The following CADM2 variants were observed in gnomAD, a reference collection of about 807,000 sequenced individuals.
CADM2 encodes the protein cell adhesion molecule 2, also known as immunoglobulin superfamily member 4D.
In CADM2, 12 loss-of-function variants were observed where a neutral mutation model predicts 49.8. The ratio of observed to expected loss-of-function variants is 0.24; its 90% CI spans 0.15 to 0.39. The LOEUF is 0.39. Ranked by LOEUF, CADM2 falls within the 10% of genes least tolerant of loss-of-function variation. The probability of loss-of-function intolerance (pLI) is 1.00; values close to 1 mark genes in which losing one functional copy is unlikely to be tolerated. For missense variants in CADM2, 378 were observed against 492.3 expected (o/e 0.77, Z 2.20); for synonymous variants, 214 against 175.4 (o/e 1.22, Z -1.74).
chr3:85,929,414 C>CT (rs1010609821), intron 6 of CADM2, among the ~76,000 whole-genome samples: 1 of 151,668 alleles, frequency 6.6e-6, no homozygotes, highest in African/African-American at 2.4e-5. Context: ...AAAATACAAA[C>CT]TTTTTTTTCT....
intron 5 of CADM2, among the ~76,000 whole-genome samples, chr3:85,898,374 TCAC>T (rs1157157440): frequency 1.3e-5 from 2 of 152,072 alleles, no homozygotes; most frequent in African/African-American, 4.8e-5. Flanking sequence ...AGTGAAACCA[TCAC>T]CACAAGCAAG....
chr3:86,013,864 T>C (rs1731859505), intron 8 of CADM2: 1 of 1,594,054 alleles, frequency 6.3e-7, no homozygotes, highest in Admixed American at 1.7e-5. Flanking sequence ...AAAATGAAAG[T>C]TGTTGCTTCT....
chr3:84,994,066 A>G (rs1462711774), intron 1 of CADM2, among the ~76,000 whole-genome samples: 3 of 152,146 alleles, frequency 2.0e-5, no homozygotes, highest in Non-Finnish European at 2.9e-5. Flanking sequence ...TTCAGTTGTT[A>G]GGTAATTTCC....
chr3:85,348,564 A>G (rs1408719646), intron 1 of CADM2, among the ~76,000 whole-genome samples: 1 of 152,160 alleles, frequency 6.6e-6, no homozygotes, highest in Non-Finnish European at 1.5e-5. Context: ...TTCAGGAAAT[A>G]TCTTAGAAAA....
chr3:85,862,312 A>T (rs1394860816), intron 3 of CADM2, among the ~76,000 whole-genome samples: 1 of 152,296 alleles, frequency 6.6e-6, no homozygotes, highest in Non-Finnish European at 1.5e-5. Flanking sequence ...ATATAATTTT[A>T]TAATAACTTA....
chr3:85,752,233 C>T (rs1461642580), intron 2 of CADM2, among the ~76,000 whole-genome samples: 2 of 152,134 alleles, frequency 1.3e-5, no homozygotes, highest in Non-Finnish European at 2.9e-5. Flanking sequence ...TGATGCAACC[C>T]TGCTGGGATA....
chr3:85,614,253 A>T (rs1374768336), intron 1 of CADM2, among the ~76,000 whole-genome samples: 1 of 145,402 alleles, frequency 6.9e-6, no homozygotes, highest in African/African-American at 2.8e-5. Context: ...AAAATGTCTG[A>T]AAAGTAACCA....
chr3:85,809,053 A>G (rs1249588467), intron 3 of CADM2, among the ~76,000 whole-genome samples: 1 of 152,156 alleles, frequency 6.6e-6, no homozygotes, highest in Non-Finnish European at 1.5e-5. Context: ...TTTGGCTACT[A>G]TTACCCTTCT....
intron 1 of CADM2, among the ~76,000 whole-genome samples, chr3:85,530,767 A>C (rs923250388): frequency 6.6e-6 from 1 of 152,076 alleles, no homozygotes; most frequent in Non-Finnish European, 1.5e-5. Flanking sequence ...AAGGCACCTA[A>C]TACATTCTTA....
intron 1 of CADM2, among the ~76,000 whole-genome samples, chr3:85,725,791 G>A (rs753388498): frequency 1.3e-5 from 2 of 152,018 alleles, no homozygotes. Context: ...TACCAAAATT[G>A]CTGGAGTTTA....
At chr3:85,192,199 A>G (rs970499051) in intron 1 of CADM2, among the ~76,000 whole-genome samples, 3 of 152,064 alleles carry the variant, frequency 2.0e-5, no homozygotes, top group African/African-American at 7.2e-5. Context: ...ATTAGGACAC[A>G]CAAAATTTAA....
intron 1 of CADM2, among the ~76,000 whole-genome samples, chr3:85,493,281 A>G (rs901560057): frequency 4.6e-5 from 7 of 152,250 alleles, no homozygotes; most frequent in Admixed American, 1.3e-4. Context: ...TCCTTCTTGT[A>G]TGTATTAATA....
intron 1 of CADM2, among the ~76,000 whole-genome samples, chr3:85,018,049 T>C (rs1184656805): frequency 1.3e-5 from 2 of 152,160 alleles, no homozygotes; most frequent in Non-Finnish European, 2.9e-5. Flanking sequence ...CTAGTAACCT[T>C]CTAGTTAGAC....
chr3:85,156,243 A>G (rs1332686340), intron 1 of CADM2, among the ~76,000 whole-genome samples: 1 of 151,964 alleles, frequency 6.6e-6, no homozygotes, highest in Non-Finnish European at 1.5e-5. Flanking sequence ...TAATAAAGAA[A>G]AAAAGAGAGA....
In CADM2 at chr3:85,761,502, G is replaced by A. The variant is rs563116893; in HGVS notation, c.88+34954G>A. On this transcript the variant is annotated intron_variant, in intron 2 of 9. Coordinates refer to ENST00000383699, the MANE Select transcript of CADM2 (RefSeq NM_001167675.2). ...AGCAACTGTCTTACCTCAGCCTCCC[G>A]AGTAGCTGGGACTACAGGCGTGTGC... 7.4e-5 allele frequency among the ~76,000 whole-genome samples: 11 copies of A among 148,508 alleles called. No individual in the cohort carries two copies. In the East Asian group the frequency reaches 1.9e-3, roughly 25 times the overall value.
intron 2 of CADM2, among the ~76,000 whole-genome samples, chr3:85,786,683 T>C (rs1022961312): frequency 6.6e-6 from 1 of 152,052 alleles, no homozygotes; most frequent in East Asian, 1.9e-4. Context: ...AACACAATGT[T>C]TATGTGTTCA....
Position 85,659,461 on chromosome 3 carries a change from GA to G in CADM2, c.62-67051del, listed in dbSNP as rs140072260. Among the ~76,000 whole-genome samples, 397 of 145,670 alleles carry G rather than the reference GA, an allele frequency of 2.7e-3. 3 individuals carry two copies. The highest frequency in any genetic ancestry group is 8.9e-3 in the African/African-American group (355 of 39,798). ...GGGTTAAAGTTAATCTAACTAAAAG[GA>G]AAAAAAAAAGTAAACCAAAAAATAA... On this transcript the variant is annotated intron_variant, in intron 1 of 9. Transcript: ENST00000383699.
intron 1 of CADM2, among the ~76,000 whole-genome samples, chr3:85,171,302 T>C (rs1264573950): frequency 2.0e-5 from 3 of 152,196 alleles, no homozygotes; most frequent in Non-Finnish European, 4.4e-5. Context: ...GCCCATATCA[T>C]TGAAATGTAC....
intron 1 of CADM2, among the ~76,000 whole-genome samples, chr3:85,600,133 T>G (rs933677122): frequency 2.0e-5 from 3 of 152,004 alleles, no homozygotes; most frequent in African/African-American, 7.2e-5. Context: ...TACAAATTAT[T>G]GCTTAGTATC....
Sources: gnomAD v4.1 joint callset for allele counts (sites outside exome capture counted in the v4.1 genomes callset) on GRCh38, gnomAD v4.1.1 for gene constraint, MANE v1.5 for transcripts, NCBI Gene and HGNC (gene_info 2026-07-23, HGNC 2026-07-21) for gene names.